Variants in CELF5 observed in about 807,000 individuals in gnomAD.
CELF5 encodes CUGBP Elav-like family member 5, also known as CUG-BP and ETR-3 like factor 5.
A neutral mutation model predicts 54.9 loss-of-function variants in CELF5; 6 were observed. The ratio of observed to expected loss-of-function variants is 0.11; its 90% CI spans 0.06 to 0.22. The LOEUF (loss-of-function observed/expected upper bound fraction) is 0.22. Among genes scored for constraint, CELF5 ranks in the 10% least tolerant of loss-of-function variants. The probability of loss-of-function intolerance (pLI) is 1.00; values close to 1 mark genes in which losing one functional copy is unlikely to be tolerated. For synonymous variants in CELF5, 271 were observed against 290.9 expected (o/e 0.93, Z 0.70); for missense variants, 401 against 678.6 (o/e 0.59, Z 4.54).
At chr19:3,246,293 G>A (rs949787311) in intron 1 of CELF5, among the ~76,000 whole-genome samples, 1 of 152,136 alleles carries the variant, frequency 6.6e-6, no homozygotes, top group African/African-American at 2.4e-5. Flanking sequence ...GAACCCAGGA[G>A]GGGAAGGTTG....
rs372740738 is a variant in CELF5, at chr19:3,281,500, A to G, written c.750+155A>G. ...AACTCCAAATTGAGACCAAGCTCAG[A>G]CCGAGCCCCTAAATCCAGAAGACTG... is the stretch of plus-strand genomic sequence containing the variant. On this transcript the variant is annotated intron_variant, in intron 6 of 12. Coordinates refer to ENST00000292672, the MANE Select transcript of CELF5 (RefSeq NM_021938.4). This position sits in a 1 kb window ranked among gnomAD's most constrained non-coding sequence, Gnocchi z 6.5. Among the ~76,000 whole-genome samples the G allele has an allele frequency of 3.9e-5, 6 of 152,254 alleles. No homozygotes were observed. In the East Asian group the frequency reaches 9.7e-4, roughly 24 times the overall value.
intron 10 of CELF5, among the ~76,000 whole-genome samples, chr19:3,288,638 A>T (rs573993011): frequency 6.6e-6 from 1 of 152,068 alleles, no homozygotes; most frequent in African/African-American, 2.4e-5. Flanking sequence ...GCTTGAGGCC[A>T]GGAGTTCAAG....
At chr19:3,267,080 C>A (rs1039256997) in intron 2 of CELF5, among the ~76,000 whole-genome samples, 1 of 142,054 alleles carries the variant, frequency 7.0e-6, no homozygotes, top group Non-Finnish European at 1.5e-5. Context: ...TGTGCGTGTG[C>A]GTGTGTGCAT....
At chr19:3,244,511 T>G (rs1055890884) in intron 1 of CELF5, among the ~76,000 whole-genome samples, 1 of 150,096 alleles carries the variant, frequency 6.7e-6, no homozygotes, top group Admixed American at 6.6e-5. Context: ...CTGTGTGGTG[T>G]GCATGCGTCT....
intron 2 of CELF5, among the ~76,000 whole-genome samples, chr19:3,267,376 G>A (rs760047506): frequency 6.6e-5 from 10 of 152,204 alleles, no homozygotes; most frequent in Admixed American, 6.5e-4. Context: ...AATAGGATCC[G>A]AAATTGAATA....
At chr19:3,256,721 C>T (rs545708390) in intron 2 of CELF5, among the ~76,000 whole-genome samples, 2 of 151,704 alleles carry the variant, frequency 1.3e-5, no homozygotes, top group Admixed American at 1.3e-4. Flanking sequence ...GCATGTGCCA[C>T]CGTGCCATGC....
Position 3,273,912 on chromosome 19 carries a change from G to A in CELF5, c.383G>A (p.Ser128Asn), listed in dbSNP as rs773092283. The stretch of plus-strand genomic sequence containing the variant: ...CAGGTGAAGCCTGCGGACAGTGAAA[G>A]CCGCGGAGGTAGTTGTCATCTCTCC... ...PIQVKPADSE[S>N]RGGRDRKLFV... The change falls in exon 3 of 13, where the codon AGC (serine) becomes AAC (asparagine). Residue 128 changes from serine (S) to asparagine (N), a missense_variant. Coordinates refer to ENST00000292672, the MANE Select transcript of CELF5 (RefSeq NM_021938.4). 1.2e-6 allele frequency: 2 copies of A among 1,613,668 alleles called. No individual in the cohort carries two copies. Among genetic ancestry groups the A allele is most frequent in the Admixed American group, 1.7e-5 (1 of 60,008 alleles).
At chr19:3,226,477 A>ACACACACACACACAC (rs1372914642) in intron 1 of CELF5, among the ~76,000 whole-genome samples, 1 of 20,464 alleles carries the variant, frequency 4.9e-5, no homozygotes, top group Non-Finnish European at 1.2e-4. Context: ...CACACACACA[A>ACACACACACACACAC]AATTGGGCCT....
Position 3,265,920 on chromosome 19 carries a change from C to A in CELF5, c.343-7952C>A, listed in dbSNP as rs144430515. Among the ~76,000 whole-genome samples, 478 of 152,126 alleles carry A rather than the reference C, an allele frequency of 3.1e-3. 1 individual carries two copies. Among genetic ancestry groups the A allele is most frequent in the Non-Finnish European group, 5.2e-3 (357 of 68,010 alleles). On this transcript the variant is annotated intron_variant, in intron 2 of 12. Coordinates refer to ENST00000292672, the MANE Select transcript of CELF5 (RefSeq NM_021938.4). ...CTCCCGGGTTCAAGTGATTCTCTTG[C>A]CTCAGCCTCCCGAGTAGCTGGGATT... is the stretch of plus-strand genomic sequence containing the variant.
At chr19:3,244,683 T>C (rs2079539309) in intron 1 of CELF5, among the ~76,000 whole-genome samples, 1 of 145,956 alleles carries the variant, frequency 6.9e-6, no homozygotes, top group Non-Finnish European at 1.5e-5. Flanking sequence ...ATGCATCGTG[T>C]GTGTAGTGTG....
intron 4 of CELF5, among the ~76,000 whole-genome samples, chr19:3,276,311 T>A (rs1427304088): frequency 2.5e-5 from 1 of 40,128 alleles, no homozygotes; most frequent in African/African-American, 1.0e-4. Context: ...GGGAGAGGTG[T>A]GGCTGCAGGG....
intron 1 of CELF5, among the ~76,000 whole-genome samples, chr19:3,246,537 CTAATAATAATAG>C (rs1446702325): frequency 6.6e-6 from 1 of 151,840 alleles, no homozygotes; most frequent in East Asian, 1.9e-4. Flanking sequence ...GACCCCATCT[CTAATAATAATAG>C]TAATAATAAT....
chr19:3,285,491 C>A (rs2145285108), intron 9 of CELF5, among the ~76,000 whole-genome samples: 1 of 150,606 alleles, frequency 6.6e-6, no homozygotes, highest in South Asian at 2.1e-4. Context: ...AGCCCTCCAT[C>A]AAGTCACGGC....
intron 2 of CELF5, among the ~76,000 whole-genome samples, chr19:3,254,560 C>T (rs1449258331): frequency 6.6e-6 from 1 of 151,394 alleles, no homozygotes; most frequent in Non-Finnish European, 1.5e-5. Context: ...CATTCATCCA[C>T]CCATCCACCC....
rs2079852364 is a variant in CELF5, at chr19:3,264,461, G to T, written c.343-9411G>T. 2.0e-5 allele frequency among the ~76,000 whole-genome samples: 3 copies of T among 151,034 alleles called. No homozygotes were observed. In the South Asian group the frequency reaches 6.3e-4, roughly 32 times the overall value. On this transcript the variant is annotated intron_variant, in intron 2 of 12. Coordinates refer to ENST00000292672, the MANE Select transcript of CELF5 (RefSeq NM_021938.4). ...GACGGAGTCTTGCTGTGTCACCCAG[G>T]CTGGAGTGCAGTAGCGCAATCTCGG...
At chr19:3,241,821 G>A (rs1202789108) in intron 1 of CELF5, among the ~76,000 whole-genome samples, 1 of 152,142 alleles carries the variant, frequency 6.6e-6, no homozygotes, top group Non-Finnish European at 1.5e-5. Context: ...TCTTGCCCAG[G>A]CTGGAGTGCA....
intron 4 of CELF5, among the ~76,000 whole-genome samples, chr19:3,276,443 G>A (rs1030590088): frequency 6.7e-6 from 1 of 150,274 alleles, no homozygotes; most frequent in Non-Finnish European, 1.5e-5. Context: ...GCAGGGAGGG[G>A]TGAAATACGT....
chr19:3,255,488 C>T lies in CELF5; in HGVS notation c.342+4421C>T, dbSNP rs117148340. On this transcript the variant is annotated intron_variant, in intron 2 of 12. Coordinates refer to ENST00000292672, the MANE Select transcript of CELF5 (RefSeq NM_021938.4). Reference sequence around the variant, plus strand: ...CGTAAGCCATTGAGCCTACTGCCCCCGACTGCTTTTTTTGAACCAGTTTCT... The same window carrying T: ...CGTAAGCCATTGAGCCTACTGCCCCTGACTGCTTTTTTTGAACCAGTTTCT... Among the ~76,000 whole-genome samples the T allele has an allele frequency of 7.5e-4, 114 of 152,248 alleles. 2 individuals are homozygous for T. In the East Asian group the frequency reaches 0.019, roughly 26 times the overall value.
chr19:3,256,900 G>T (rs139449897), intron 2 of CELF5, among the ~76,000 whole-genome samples: 1 of 148,656 alleles, frequency 6.7e-6, no homozygotes, highest in African/African-American at 2.5e-5. Context: ...AAGTTTTGCT[G>T]TGTCGCCCAG....
Sources: gnomAD v4.1 joint callset for allele counts (sites outside exome capture counted in the v4.1 genomes callset) on GRCh38, gnomAD v4.1.1 for gene constraint, Gnocchi (gnomAD v3.1) non-coding constraint, MANE v1.5 for transcripts, NCBI Gene and HGNC (gene_info 2026-07-23, HGNC 2026-07-21) for gene names.